ZNF426: variants seen among roughly 807,000 people sequenced by gnomAD.
ZNF426 encodes the protein CTC-543D15.7.
A neutral mutation model predicts 24.0 loss-of-function variants in ZNF426; 23 were observed. The ratio of observed to expected loss-of-function variants is 0.96; its 90% confidence interval spans 0.69 to 1.36. The LOEUF (loss-of-function observed/expected upper bound fraction) is 1.36, where lower values mean the gene tolerates loss of function less well. Ranked by LOEUF, ZNF426 falls within the 40% of genes most tolerant of loss-of-function variation. The pLI is 0.00. For synonymous variants in ZNF426, 272 were observed against 224.6 expected, an observed-to-expected ratio of 1.21 and a Z score of -1.89; for missense variants, 646 against 658.4, an observed-to-expected ratio of 0.98 and a Z score of 0.21.
chr19:9,524,440 A>G lies in ZNF426; in HGVS notation c.*3940T>C, dbSNP rs1568478005. 6.6e-6 allele frequency: 1 copy of G among 152,170 alleles called. No individual in the cohort carries two copies. The highest frequency in any genetic ancestry group is 1.5e-5 in the Non-Finnish European group (1 of 68,038). The allele number at this position is 152,170 out of a possible 1,614,324, so 9.4% of individuals were successfully genotyped here. ...TTACCACAATTCTAACATTGATAAG[A>G]TTTCTCTCCAGTGTGAGTTCTTTAA... On this transcript the variant is annotated 3_prime_UTR_variant, in exon 8 of 8. Transcript: ENST00000253115.
rs555513285 is a variant in ZNF426, at chr19:9,528,280, T to C, written c.*100A>G. On this transcript the variant is annotated 3_prime_UTR_variant, in exon 8 of 8. Coordinates refer to ENST00000253115, the MANE Select transcript of ZNF426 (RefSeq NM_024106.3). The stretch of plus-strand genomic sequence containing the variant: ...TGGGATTACAGGAATTAAGTAATTT[T>C]CATGCAGCTTCTTCTCTCCAGAGTG... The C allele has an allele frequency of 1.6e-6, 2 of 1,259,828 alleles. No individual in the cohort carries two copies. The highest frequency in any genetic ancestry group is 3.0e-5 in the African/African-American group (2 of 66,850). The allele number at this position is 1,259,828 out of a possible 1,614,324, so 78.0% of individuals were successfully genotyped here.
chr19:9,536,492 G>T, intron 2 of ZNF426, 136 bp from the exon 3 acceptor site: 1 of 731,674 alleles, frequency 1.4e-6, no homozygotes, highest in Non-Finnish European at 2.1e-6. Flanking sequence ...CTTCAGCCTA[G>T]AAGTTTGAGA....
In ZNF426 at chr19:9,528,151, A is replaced by G. The variant is rs1454428912; in HGVS notation, c.*229T>C. ...TTACAGGTGCCCACCACACCTGGCT[A>G]AATTTTTTGTATTTTCAGTAGAGAC... On this transcript the variant is annotated 3_prime_UTR_variant, in exon 8 of 8. Coordinates refer to ENST00000253115, the MANE Select transcript of ZNF426 (RefSeq NM_024106.3). 2 of 413,006 alleles carry G rather than the reference A, an allele frequency of 4.8e-6. No individual in the cohort carries two copies. The highest frequency in any genetic ancestry group is 8.6e-6 in the Non-Finnish European group (2 of 233,192). 25.6% of individuals were successfully genotyped at this position (413,006 alleles called of 1,614,324 possible).
rs1485463719 is a variant in ZNF426, at chr19:9,526,861, G to A, written c.*1519C>T. ...GGGGGGGAAATGCTTTAAGTATTGAGGATCAAGTATAAGAATTACATCCAA... is the reference window on the plus strand; with the variant it reads ...GGGGGGGAAATGCTTTAAGTATTGAAGATCAAGTATAAGAATTACATCCAA... On this transcript the variant is annotated 3_prime_UTR_variant, in exon 8 of 8. Coordinates refer to ENST00000253115, the MANE Select transcript of ZNF426 (RefSeq NM_024106.3). The A allele has an allele frequency of 6.6e-6, 1 of 151,966 alleles. No homozygotes were observed. The highest frequency in any genetic ancestry group is 1.5e-5 in the Non-Finnish European group (1 of 68,008). 9.4% of individuals were successfully genotyped at this position (151,966 alleles called of 1,614,324 possible).
At position 9,527,832 on chromosome 19, in the gene ZNF426, C is replaced by T. The variant is rs2073812706; in HGVS notation, c.*548G>A. The stretch of plus-strand genomic sequence containing the variant: ...TGGTGGCTTTGATAGAAGGATCTGT[C>T]CCAGTGCTCTGTCTTTGGCTTGCAG... On this transcript the variant is annotated 3_prime_UTR_variant, in exon 8 of 8. Coordinates refer to ENST00000253115, the MANE Select transcript of ZNF426 (RefSeq NM_024106.3). The T allele has an allele frequency of 6.6e-6, 1 of 152,298 alleles. No homozygotes were observed. Among genetic ancestry groups the T allele is most frequent in the Non-Finnish European group, 1.5e-5 (1 of 68,188 alleles). 9.4% of individuals were successfully genotyped at this position (152,298 alleles called of 1,614,324 possible).
At chr19:9,534,743 T>C (rs923582406) in intron 4 of ZNF426, among the ~76,000 whole-genome samples, 5 of 152,276 alleles carry the variant, frequency 3.3e-5, no homozygotes, top group Admixed American at 6.5e-5. Flanking sequence ...TCCAGTCATG[T>C]ACCACTTTGC....
chr19:9,536,734 G>A (rs2073971558), intron 2 of ZNF426, among the ~76,000 whole-genome samples: 2 of 152,190 alleles, frequency 1.3e-5, no homozygotes, highest in South Asian at 4.1e-4. Flanking sequence ...CACTGTCAGA[G>A]AGGCAAGGCC....
intron 3 of ZNF426, 125 bp downstream of exon 3, chr19:9,536,083 G>A (rs544769987): frequency 1.6e-5 from 20 of 1,232,122 alleles, no homozygotes; most frequent in African/African-American, 1.5e-4. Flanking sequence ...AAGACAGCAC[G>A]TTCTGGCACC....
Position 9,532,878 on chromosome 19 carries a change from C to A in ZNF426, c.292G>T (p.Glu98Ter). 1.2e-6 allele frequency: 2 copies of A among 1,614,078 alleles called. No individual in the cohort carries two copies. Among genetic ancestry groups the A allele is most frequent in the Non-Finnish European group, 1.7e-6 (2 of 1,179,976 alleles). Residue 98 changes from glutamate (E) to a stop codon, truncating the protein, a stop_gained, in exon 6 of 8, where the codon GAG becomes TAG. Transcript: ENST00000253115. LOFTEE classifies it high-confidence loss of function. Reference protein sequence around the residue: ...PSLISWLEQEESRTVQGGVLQ... With the variant: ...PSLISWLEQE ...ACTCCTCCCTGAACTGTCCTTGACT[C>A]TTCTTGTTCCAACCAAGAGATTAGA...
chr19:9,531,702 T>A (rs1416777361), intron 6 of ZNF426, among the ~76,000 whole-genome samples: 1 of 151,826 alleles, frequency 6.6e-6, no homozygotes, highest in Non-Finnish European at 1.5e-5. Context: ...ACAATTAACT[T>A]GGCCGGGCAC....
Position 9,536,355 on chromosome 19 carries a change from T to G in ZNF426, c.-123A>C. On this transcript the variant is annotated splice_region_variant and 5_prime_UTR_variant, in exon 3 of 8. Transcript: ENST00000253115. ...CCTCTTTAAACAGGGTTATTGGGATTCCTGTTGGTATTAATCAATAATCAA... is the reference window on the plus strand; with the variant it reads ...CCTCTTTAAACAGGGTTATTGGGATGCCTGTTGGTATTAATCAATAATCAA... The G allele has an allele frequency of 1.3e-6, 2 of 1,592,588 alleles. No homozygotes were observed. Among genetic ancestry groups the G allele is most frequent in the Non-Finnish European group, 1.7e-6 (2 of 1,169,104 alleles).
Position 9,533,905 on chromosome 19 carries a change from T to G in ZNF426, c.179A>C (p.Asp60Ala), listed in dbSNP as rs1311729034. The change falls in exon 5 of 8, where the codon GAC (aspartate) becomes GCC (alanine). Residue 60 changes from aspartate to alanine, a missense_variant. Coordinates refer to ENST00000253115, the MANE Select transcript of ZNF426 (RefSeq NM_024106.3). The stretch of plus-strand genomic sequence containing the variant: ...ACTGTAGAGGCTTCTCTGAGTTGAG[T>G]CCAGTAAAGTCCACTCCTCCTGGGT... Reference protein sequence around the residue: ...DFTQEEWTLLDSTQRSLYSDV... With the variant: ...DFTQEEWTLLASTQRSLYSDV... 2 of 1,614,086 alleles carry G rather than the reference T, an allele frequency of 1.2e-6. No homozygotes were observed. The highest frequency in any genetic ancestry group is 1.1e-5 in the South Asian group (1 of 91,076).
chr19:9,530,149 A>T (rs1424356714), intron 7 of ZNF426, among the ~76,000 whole-genome samples: 1 of 151,390 alleles, frequency 6.6e-6, no homozygotes. Flanking sequence ...ATAATAACAG[A>T]TTTCTGTAGA....
At chr19:9,538,468 G>C (rs1161471042) in intron 1 of ZNF426, 107 bp downstream of exon 1, 2 of 152,298 alleles carry the variant, frequency 1.3e-5, no homozygotes, top group Non-Finnish European at 2.9e-5. Context: ...CGGTCCGAGC[G>C]GACGCTAGCG....
chr19:9,533,035 G>C, intron 5 of ZNF426, 110 bp from the exon 6 acceptor site: 4 of 905,644 alleles, frequency 4.4e-6, no homozygotes, highest in Non-Finnish European at 6.9e-6. Flanking sequence ...ATTTCAAAAG[G>C]GCGAAAAATG....
In ZNF426 at chr19:9,536,518, T is replaced by A. The variant is rs948381920; in HGVS notation, c.-124-162A>T. The A allele has an allele frequency of 6.0e-5, 31 of 517,490 alleles. No individual in the cohort carries two copies. The Admixed American group carries it at 1.0e-3, about 17-fold the overall frequency. The allele number at this position is 517,490 out of a possible 1,614,324, so 32.1% of individuals were successfully genotyped here. The stretch of plus-strand genomic sequence containing the variant: ...AAGTTTGAGACCAGCCTGGGCAACA[T>A]AGCAAGACCCTATCTCTAAAGAAAC... On this transcript the variant is annotated intron_variant, in intron 2 of 7. Coordinates refer to ENST00000253115, the MANE Select transcript of ZNF426 (RefSeq NM_024106.3).
chr19:9,532,278 C>CTTTTT lies in ZNF426; in HGVS notation c.325+562_325+566dup, dbSNP rs1020434068. The stretch of plus-strand genomic sequence containing the variant: ...TATTTCTGGAAATTTTTCTTTTTTT[C>CTTTTT]TTTTTTTTTTTTTTTTTTTTGTGGG... On this transcript the variant is annotated intron_variant, in intron 6 of 7. Coordinates refer to ENST00000253115, the MANE Select transcript of ZNF426 (RefSeq NM_024106.3). Among the ~76,000 whole-genome samples, 29 of 117,426 alleles carry CTTTTT rather than the reference C, an allele frequency of 2.5e-4. 1 individual carries two copies. Among genetic ancestry groups the CTTTTT allele is most frequent in the African/African-American group, 3.7e-4 (11 of 29,554 alleles). The allele number at this position is 117,426 out of a possible 152,430, so 77.0% of individuals were successfully genotyped here.
chr19:9,531,042 C>T lies in ZNF426; in HGVS notation c.351G>A (p.Gln117=). 6.2e-7 allele frequency: 1 copy of T among 1,614,108 alleles called. No individual in the cohort carries two copies. The highest frequency in any genetic ancestry group is 8.5e-7 in the Non-Finnish European group (1 of 1,179,970). The change falls in exon 7 of 8, where the codon CAG becomes CAA. Residue 117 remains glutamine (Q), a synonymous_variant. Transcript: ENST00000253115. ...AAAAGTCCTGCTGAAGTATAGACCA[C>T]TGGGTTTCAAGTCGCATTTCCCATC... The part of the protein sequence containing the change: ...LQGWEMRLET[Q]WSILQQDFLR...
rs1318861046 is a variant in ZNF426 at position 9,529,394 on chromosome 19, A to G, written c.651T>C (p.Thr217=). 6.2e-7 allele frequency: 1 copy of G among 1,614,044 alleles called. No homozygotes were observed. The highest frequency in any genetic ancestry group is 2.2e-5 in the East Asian group (1 of 44,886). ...SLTPNIVYQR[T]STQEKSFECS... ...ATTCAAATGACTTTTCTTGTGTGCT[A>G]GTTCTCTGGTATACAATATTTGGTG... The change falls in exon 8 of 8, where the codon ACT becomes ACC. Residue 217 remains threonine, a synonymous_variant. Transcript: ENST00000253115.
Sources: allele counts gnomAD v4.1 joint callset (sites outside exome capture counted in the v4.1 genomes callset), GRCh38; gene constraint gnomAD v4.1.1; transcripts MANE v1.5; gene names NCBI Gene and HGNC (gene_info 2026-07-23, HGNC 2026-07-21).